ACBD6: variants seen among roughly 807,000 people sequenced by gnomAD.
ACBD6 encodes acyl-CoA binding domain containing 6, also known as acyl-CoA-binding domain-containing protein 6.
ACBD6 carries 28 observed loss-of-function variants against 37.2 expected under a neutral mutation model. The ratio of observed to expected loss-of-function variants is 0.75; its 90% confidence interval spans 0.56 to 1.03. ACBD6 has a LOEUF of 1.03. Among genes scored for constraint, ACBD6 ranks in the 50% least tolerant of loss-of-function variants. ACBD6 has a pLI of 0.00. For missense variants in ACBD6, 340 were observed against 337.4 expected, an observed-to-expected ratio of 1.01 and a Z score of -0.06; for synonymous variants, 113 against 126.8, an observed-to-expected ratio of 0.89 and a Z score of 0.73.
At chr1:180,435,866 C>A in intron 3 of ACBD6, 2 of 1,345,922 alleles carry the variant, frequency 1.5e-6, no homozygotes, top group Non-Finnish European at 2.1e-6. Context: ...CAAATTGACA[C>A]TGTCAGCTCT....
At chr1:180,408,261 T>C (rs1402086800) in intron 5 of ACBD6, among the ~76,000 whole-genome samples, 1 of 152,192 alleles carries the variant, frequency 6.6e-6, no homozygotes, top group Non-Finnish European at 1.5e-5. Flanking sequence ...AATATTAATA[T>C]TGATTCAACA....
chr1:180,367,450 C>T (rs1354711743), intron 6 of ACBD6, among the ~76,000 whole-genome samples: 1 of 152,074 alleles, frequency 6.6e-6, no homozygotes, highest in African/African-American at 2.4e-5. Context: ...TAACTCGTGT[C>T]ATAGGGGTTT....
At chr1:180,364,569 A>G (rs1010478908) in intron 6 of ACBD6, among the ~76,000 whole-genome samples, 2 of 152,220 alleles carry the variant, frequency 1.3e-5, no homozygotes, top group Non-Finnish European at 2.9e-5. Context: ...AACAGGTAGG[A>G]GAAATTTCTA....
At chr1:180,336,669 G>C (rs1231120042) in intron 6 of ACBD6, among the ~76,000 whole-genome samples, 22 of 151,682 alleles carry the variant, frequency 1.5e-4, no homozygotes, top group African/African-American at 4.8e-4. Flanking sequence ...GATCAGAGCA[G>C]AACTGAAGGA....
intron 6 of ACBD6, among the ~76,000 whole-genome samples, chr1:180,386,791 G>A (rs577115722): frequency 6.6e-6 from 1 of 150,972 alleles, no homozygotes; most frequent in African/African-American, 2.4e-5. Context: ...TTCCTTTGCT[G>A]AGATTTTCTG....
chr1:180,416,961 G>A (rs181482710), intron 4 of ACBD6, among the ~76,000 whole-genome samples: 400 of 152,262 alleles, frequency 2.6e-3, no homozygotes, highest in African/African-American at 9.4e-3. Flanking sequence ...TTCAATTCAT[G>A]TATTTACTAA....
chr1:180,458,383 G>A (rs1019550846), intron 3 of ACBD6, among the ~76,000 whole-genome samples: 2 of 152,130 alleles, frequency 1.3e-5, no homozygotes, highest in Non-Finnish European at 1.5e-5. Flanking sequence ...GCTCATCACT[G>A]TAAAGTATAT....
At position 180,435,429 on chromosome 1, in the gene ACBD6, T is replaced by A. The variant is rs1648993446; in HGVS notation, c.385-5167A>T. 6.9e-5 allele frequency: 29 copies of A among 420,128 alleles called. No homozygotes were observed. In the South Asian group the frequency reaches 8.4e-4, roughly 12 times the overall value. 26.0% of individuals were successfully genotyped at this position (420,128 alleles called of 1,614,324 possible). A position where few individuals can be genotyped will look rare whatever the true frequency, so the allele number is the denominator to read the frequency against. On this transcript the variant is annotated intron_variant, in intron 3 of 7. Coordinates refer to ENST00000367595, the MANE Select transcript of ACBD6 (RefSeq NM_032360.4). Reference sequence around the variant, plus strand: ...ACGCCTGGCTAATTTTTTTTTTTTTTTTTTTAGTAGAGACGGGGTTTCACC... The same window carrying A: ...ACGCCTGGCTAATTTTTTTTTTTTTATTTTTAGTAGAGACGGGGTTTCACC...
chr1:180,318,359 A>C (rs1650918190), intron 6 of ACBD6, among the ~76,000 whole-genome samples: 1 of 151,970 alleles, frequency 6.6e-6, no homozygotes, highest in African/African-American at 2.4e-5. Context: ...TATAGTCCCT[A>C]TATTTCTTTT....
At chr1:180,312,363 T>C (rs1355095676) in intron 7 of ACBD6, among the ~76,000 whole-genome samples, 1 of 152,162 alleles carries the variant, frequency 6.6e-6, no homozygotes, top group Non-Finnish European at 1.5e-5. Context: ...AAATTTTTTT[T>C]AGCTTTTTAC....
intron 3 of ACBD6, among the ~76,000 whole-genome samples, chr1:180,488,889 C>T (rs983241837): frequency 1.3e-5 from 2 of 152,136 alleles, no homozygotes; most frequent in African/African-American, 2.4e-5. Context: ...CCTTAGCTGG[C>T]TAATTTTAGG....
chr1:180,494,872 A>G (rs920686500), intron 2 of ACBD6, among the ~76,000 whole-genome samples: 1 of 152,200 alleles, frequency 6.6e-6, no homozygotes, highest in Non-Finnish European at 1.5e-5. Flanking sequence ...TAAGTTAAAA[A>G]AGTTTGCAAA....
intron 7 of ACBD6, among the ~76,000 whole-genome samples, chr1:180,311,381 G>T (rs1571345639): frequency 6.6e-6 from 1 of 152,166 alleles, no homozygotes; most frequent in Non-Finnish European, 1.5e-5. Flanking sequence ...AGGCTAACTT[G>T]CTAGCTTGTA....
At chr1:180,461,921 A>G (rs1168072531) in intron 3 of ACBD6, among the ~76,000 whole-genome samples, 1 of 152,148 alleles carries the variant, frequency 6.6e-6, no homozygotes, top group Non-Finnish European at 1.5e-5. Flanking sequence ...GAATCCACAC[A>G]TAACAATACT....
chr1:180,387,813 T>C (rs1175824707), intron 6 of ACBD6, among the ~76,000 whole-genome samples: 1 of 152,216 alleles, frequency 6.6e-6, no homozygotes, highest in African/African-American at 2.4e-5. Flanking sequence ...TTTTCTTATC[T>C]GCACCCATTG....
chr1:180,286,538 T>C (rs1649505444), downstream of ACBD6, among the ~76,000 whole-genome samples: 1 of 152,230 alleles, frequency 6.6e-6, no homozygotes, highest in Non-Finnish European at 1.5e-5. Flanking sequence ...GACTTCACTA[T>C]AACTAATGTA....
intron 3 of ACBD6, among the ~76,000 whole-genome samples, chr1:180,476,575 C>G (rs1192480232): frequency 2.0e-5 from 3 of 152,190 alleles, no homozygotes; most frequent in African/African-American, 4.8e-5. Flanking sequence ...CCTATAATCC[C>G]AGCACTTTGG....
chr1:180,402,219 T>G (rs1473549813), intron 5 of ACBD6, among the ~76,000 whole-genome samples: 2 of 152,156 alleles, frequency 1.3e-5, no homozygotes, highest in African/African-American at 4.8e-5. Context: ...CACCAGAAAT[T>G]ACACAATGCC....
chr1:180,466,092 TG>T (rs1650338158), intron 3 of ACBD6, among the ~76,000 whole-genome samples: 1 of 152,126 alleles, frequency 6.6e-6, no homozygotes. Context: ...CAAATCCCTA[TG>T]GTATGTGTTT....
Sources: allele counts gnomAD v4.1 joint callset (sites outside exome capture counted in the v4.1 genomes callset), GRCh38; gene constraint gnomAD v4.1.1; transcripts MANE v1.5; gene names NCBI Gene and HGNC (gene_info 2026-07-23, HGNC 2026-07-21).